Variants in BCAR3 observed in about 807,000 individuals in gnomAD.
BCAR3 encodes BCAR3 adaptor protein, NSP family member, also known as breast cancer anti-estrogen resistance protein 3.
In BCAR3, 37 loss-of-function variants were observed where a neutral mutation model predicts 80.1. The ratio of observed to expected loss-of-function variants is 0.46; its 90% CI spans 0.36 to 0.61. The LOEUF (loss-of-function observed/expected upper bound fraction) is 0.61. Ranked by LOEUF, BCAR3 falls within the 20% of genes least tolerant of loss-of-function variation. The pLI is 0.00. For missense variants in BCAR3, 978 were observed against 1,068.2 expected, an observed-to-expected ratio of 0.92 and a Z score of 1.18; for synonymous variants, 389 against 418.9, an observed-to-expected ratio of 0.93 and a Z score of 0.87.
At position 93,809,689 on chromosome 1, in the gene BCAR3, A is replaced by C. The variant is rs541653813; in HGVS notation, c.-63+35878T>G. On this transcript the variant is annotated intron_variant, in intron 2 of 13. Transcript: ENST00000370244. The stretch of plus-strand genomic sequence containing the variant: ...AGGCTGAGGCAGGAGAATTGCTTGA[A>C]CCTGGGAGGCAGAGGTTGCAGCAAG... Among the ~76,000 whole-genome samples, 12 of 150,794 alleles carry C rather than the reference A, an allele frequency of 8.0e-5. 1 individual carries two copies. The highest frequency in any genetic ancestry group is 2.7e-4 in the African/African-American group (11 of 40,912).
At position 93,632,517 on chromosome 1, in the gene BCAR3, T is replaced by C. The variant is rs150086415; in HGVS notation, c.357+9787A>G. Among the ~76,000 whole-genome samples the C allele has an allele frequency of 1.1e-4, 17 of 152,328 alleles. No homozygotes were observed. The East Asian group carries it at 3.3e-3, about 29-fold the overall frequency. On this transcript the variant is annotated intron_variant, in intron 3 of 11. Transcript: ENST00000260502. Reference sequence around the variant, plus strand: ...ATATTCAGTAGGCTAAGCTATAATATTCTCTAGATTAGGTGTATTAAATGC... The same window carrying C: ...ATATTCAGTAGGCTAAGCTATAATACTCTCTAGATTAGGTGTATTAAATGC...
intron 2 of BCAR3, among the ~76,000 whole-genome samples, chr1:93,799,279 C>T (rs1227238716): frequency 1.3e-5 from 2 of 152,300 alleles, no homozygotes; most frequent in South Asian, 2.1e-4. Flanking sequence ...AAAATGGTAG[C>T]TGATAATTTG....
At chr1:93,617,440 G>T (rs1675162389) in intron 3 of BCAR3, among the ~76,000 whole-genome samples, 1 of 152,174 alleles carries the variant, frequency 6.6e-6, no homozygotes, top group South Asian at 2.1e-4. Flanking sequence ...GCACTCTTGG[G>T]CTTTGTCAAG....
rs546884088 is a variant in BCAR3 at position 93,679,772 on chromosome 1, T to C, written c.-12+1826A>G. Among the ~76,000 whole-genome samples the C allele has an allele frequency of 6.9e-4, 105 of 152,368 alleles. 1 individual carries two copies. Among genetic ancestry groups the C allele is most frequent in the African/African-American group, 2.4e-3 (100 of 41,584 alleles). ...GCCCAACTCACTTGCTTTACAATGA[T>C]GTCTCAAAGAAACTGATGATCTTGC... is the stretch of plus-strand genomic sequence containing the variant. On this transcript the variant is annotated intron_variant, in intron 1 of 11. Transcript: ENST00000260502.
chr1:93,777,347 T>TTTCTTCTTCCTCCTCTTC (rs879517734), intron 2 of BCAR3, among the ~76,000 whole-genome samples: 16 of 150,104 alleles, frequency 1.1e-4, no homozygotes, highest in Non-Finnish European at 2.2e-4. Context: ...TTTCTTCTGC[T>TTTCTTCTTCCTCCTCTTC]TTCTTCTTCC....
intron 2 of BCAR3, among the ~76,000 whole-genome samples, chr1:93,773,764 C>A (rs1237566002): frequency 1.3e-5 from 2 of 152,192 alleles, no homozygotes. Context: ...CACCACACCT[C>A]CATTAGCTCT....
intron 11 of BCAR3, among the ~76,000 whole-genome samples, chr1:93,565,479 A>T (rs55829892): frequency 2.0e-5 from 3 of 152,184 alleles, no homozygotes; most frequent in Non-Finnish European, 4.4e-5. Context: ...ACTTACAGCA[A>T]TGGGTACTTG....
intron 3 of BCAR3, among the ~76,000 whole-genome samples, chr1:93,705,705 A>C (rs1465222040): frequency 6.6e-6 from 1 of 152,164 alleles, no homozygotes; most frequent in African/African-American, 2.4e-5. Flanking sequence ...GCCTTTCTTC[A>C]CCACTGAAAT....
chr1:93,591,255 A>C (rs1025806542), intron 4 of BCAR3, among the ~76,000 whole-genome samples: 51 of 149,762 alleles, frequency 3.4e-4, no homozygotes, highest in Non-Finnish European at 5.6e-4. Flanking sequence ...TGGGTGGATC[A>C]CTTGAGGGCA....
intron 2 of BCAR3, among the ~76,000 whole-genome samples, chr1:93,672,330 A>G (rs558265651): frequency 2.2e-5 from 3 of 135,278 alleles, no homozygotes. Flanking sequence ...CTCCCCACCC[A>G]CCCCCCTAGT....
At chr1:93,697,293 C>T (rs570759826) in intron 3 of BCAR3, among the ~76,000 whole-genome samples, 5 of 152,340 alleles carry the variant, frequency 3.3e-5, no homozygotes, top group African/African-American at 1.2e-4. Flanking sequence ...TAGGCTGTTC[C>T]TATTTGTGTA....
At chr1:93,774,639 C>A (rs1201930402) in intron 2 of BCAR3, among the ~76,000 whole-genome samples, 1 of 152,202 alleles carries the variant, frequency 6.6e-6, no homozygotes, top group Non-Finnish European at 1.5e-5. Context: ...CAAACCTCTC[C>A]TTGGCAAAGC....
chr1:93,802,995 G>C (rs935589584), intron 2 of BCAR3, among the ~76,000 whole-genome samples: 2 of 152,184 alleles, frequency 1.3e-5, no homozygotes, highest in Admixed American at 1.3e-4. Flanking sequence ...TCTTACCCCA[G>C]AGTTAATCTT....
intron 2 of BCAR3, among the ~76,000 whole-genome samples, chr1:93,747,463 T>C (rs762492046): frequency 2.6e-5 from 4 of 151,712 alleles, no homozygotes; most frequent in African/African-American, 4.9e-5. Context: ...CATCACATCA[T>C]CCTATTTGCA....
intron 2 of BCAR3, among the ~76,000 whole-genome samples, chr1:93,732,852 T>C (rs145747714): frequency 0.012 from 1,766 of 152,264 alleles, 16 homozygotes; most frequent in South Asian, 0.024. Flanking sequence ...TCAGAAACCT[T>C]TGATACAGAC....
In BCAR3 at chr1:93,801,700, C is replaced by T. The variant is rs374609208; in HGVS notation, c.-63+43867G>A. Among the ~76,000 whole-genome samples, 39 of 152,322 alleles carry T rather than the reference C, an allele frequency of 2.6e-4. 3 individuals are homozygous for T. The highest frequency in any genetic ancestry group is 1.2e-3 in the Admixed American group (19 of 15,306). ...TCAGGCTGGGTGTGGTGGCTCACGC[C>T]TATAATCCCAGCGACTTGGGAGGCC... On this transcript the variant is annotated intron_variant, in intron 2 of 13. Coordinates refer to the BCAR3 transcript ENST00000370244.
At chr1:93,636,900 A>C (rs1675797245) in intron 3 of BCAR3, among the ~76,000 whole-genome samples, 1 of 152,188 alleles carries the variant, frequency 6.6e-6, no homozygotes, top group South Asian at 2.1e-4. Flanking sequence ...AGTTCGAGGC[A>C]AGCCTGGGCA....
chr1:93,797,255 C>G (rs1338937781), intron 2 of BCAR3, among the ~76,000 whole-genome samples: 2 of 152,164 alleles, frequency 1.3e-5, no homozygotes, highest in Non-Finnish European at 2.9e-5. Flanking sequence ...CATTATCTTT[C>G]CATGCAGCTT....
intron 2 of BCAR3, among the ~76,000 whole-genome samples, chr1:93,712,252 C>A (rs551971706): frequency 6.6e-6 from 1 of 152,378 alleles, no homozygotes; most frequent in East Asian, 1.9e-4. Context: ...GTTCACCCAG[C>A]CTGTCCCAGG....
Sources: gnomAD v4.1 joint callset for allele counts (sites outside exome capture counted in the v4.1 genomes callset) on GRCh38, gnomAD v4.1.1 for gene constraint, MANE v1.5 for transcripts, NCBI Gene and HGNC (gene_info 2026-07-23, HGNC 2026-07-21) for gene names.